The following MYO1D variants were observed in gnomAD, a reference collection of about 807,000 sequenced individuals.
The protein encoded by MYO1D is unconventional myosin-Id.
A neutral mutation model predicts 122.0 loss-of-function variants in MYO1D; 83 were observed. That is an observed-to-expected ratio of 0.68 (90% CI 0.57 to 0.82). The LOEUF (loss-of-function observed/expected upper bound fraction) is 0.82. Ranked by LOEUF, MYO1D falls within the 40% of genes least tolerant of loss-of-function variation. The probability of loss-of-function intolerance (pLI) is 0.00; values close to 1 mark genes in which losing one functional copy is unlikely to be tolerated. For missense variants in MYO1D, 1,157 were observed against 1,269.5 expected (o/e 0.91, Z 1.35); for synonymous variants, 464 against 446.9 (o/e 1.04, Z -0.48).
chr17:32,735,688 A>G (rs929265407), intron 14 of MYO1D, among the ~76,000 whole-genome samples: 6 of 151,198 alleles, frequency 4.0e-5, no homozygotes, highest in African/African-American at 1.5e-4. Flanking sequence ...TTCCTTTAAA[A>G]TTTTTCAGGT....
At chr17:32,512,518 C>T (rs1335688395) in intron 21 of MYO1D, among the ~76,000 whole-genome samples, 1 of 152,106 alleles carries the variant, frequency 6.6e-6, no homozygotes, top group African/African-American at 2.4e-5. Flanking sequence ...CTGCCTGCTC[C>T]CTGCAAGGGT....
intron 21 of MYO1D, among the ~76,000 whole-genome samples, chr17:32,585,888 A>C (rs1399819957): frequency 6.6e-6 from 1 of 152,172 alleles, no homozygotes; most frequent in African/African-American, 2.4e-5. Context: ...TAAAGACCAA[A>C]AATAAAAAAT....
At chr17:32,832,488 C>T (rs776213747) in intron 1 of MYO1D, among the ~76,000 whole-genome samples, 1 of 151,904 alleles carries the variant, frequency 6.6e-6, no homozygotes, top group Non-Finnish European at 1.5e-5. Context: ...TTAGTAGACA[C>T]GGAGTTTCAC....
chr17:32,559,765 T>C (rs2087100918), intron 21 of MYO1D, among the ~76,000 whole-genome samples: 1 of 152,200 alleles, frequency 6.6e-6, no homozygotes, highest in Non-Finnish European at 1.5e-5. Context: ...CCTAATACGT[T>C]TTACTATCTT....
chr17:32,785,431 T>G (rs1373198641), intron 1 of MYO1D, among the ~76,000 whole-genome samples: 3 of 152,232 alleles, frequency 2.0e-5, no homozygotes, highest in South Asian at 2.1e-4. Context: ...TCACACTGAT[T>G]TGGCCTGTCT....
chr17:32,842,274 A>G (rs184170797), intron 1 of MYO1D, among the ~76,000 whole-genome samples: 1 of 152,238 alleles, frequency 6.6e-6, no homozygotes, highest in African/African-American at 2.4e-5. Flanking sequence ...GTATGAGAAC[A>G]ATAAAATAGA....
intron 21 of MYO1D, among the ~76,000 whole-genome samples, chr17:32,545,669 A>G (rs2086959835): frequency 6.6e-6 from 1 of 152,190 alleles, no homozygotes. Flanking sequence ...ATGAAAGGTC[A>G]ATTATTATAC....
At chr17:32,779,673 C>T (rs2090215605) in intron 2 of MYO1D, among the ~76,000 whole-genome samples, 1 of 151,990 alleles carries the variant, frequency 6.6e-6, no homozygotes, top group Non-Finnish European at 1.5e-5. Flanking sequence ...TGTTTTTATT[C>T]TCCCCTTTAA....
At chr17:32,676,352 T>A (rs76792716) in intron 16 of MYO1D, among the ~76,000 whole-genome samples, 2 of 77,384 alleles carry the variant, frequency 2.6e-5, no homozygotes, top group African/African-American at 1.4e-4. Flanking sequence ...TGTTTCTCTA[T>A]TTTTTTTTTT....
intron 16 of MYO1D, among the ~76,000 whole-genome samples, chr17:32,681,519 C>T (rs1479018555): frequency 5.3e-5 from 8 of 149,966 alleles, no homozygotes; most frequent in South Asian, 4.3e-4. Flanking sequence ...ACCCAGTAGT[C>T]ATTCAGGAGC....
At chr17:32,871,494 T>C (rs2091180185) in intron 1 of MYO1D, among the ~76,000 whole-genome samples, 1 of 152,200 alleles carries the variant, frequency 6.6e-6, no homozygotes, top group African/African-American at 2.4e-5. Flanking sequence ...AGATGATTGC[T>C]TTTATGGAAG....
chr17:32,795,483 T>C (rs1221545133), intron 1 of MYO1D, among the ~76,000 whole-genome samples: 1 of 152,042 alleles, frequency 6.6e-6, no homozygotes, highest in Non-Finnish European at 1.5e-5. Context: ...CCTGGTATAA[T>C]AGAAACAAAC....
intron 16 of MYO1D, among the ~76,000 whole-genome samples, chr17:32,703,804 A>C (rs569030472): frequency 6.6e-6 from 1 of 152,272 alleles, no homozygotes; most frequent in African/African-American, 2.4e-5. Flanking sequence ...CTAATTGTTA[A>C]TTATTAGTTA....
At chr17:32,666,196 T>C (rs1224250647) in intron 16 of MYO1D, among the ~76,000 whole-genome samples, 1 of 152,160 alleles carries the variant, frequency 6.6e-6, no homozygotes, top group Non-Finnish European at 1.5e-5. Context: ...CCACCCCTCA[T>C]CCCTACCTAC....
intron 16 of MYO1D, among the ~76,000 whole-genome samples, chr17:32,662,985 T>G (rs1177812852): frequency 4.0e-5 from 6 of 151,762 alleles, no homozygotes; most frequent in African/African-American, 1.5e-4. Flanking sequence ...TGGCGTGATC[T>G]TGGCTCACTG....
chr17:32,760,135 G>A, intron 10 of MYO1D, 155 bp downstream of exon 10: 1 of 783,570 alleles, frequency 1.3e-6, no homozygotes, highest in South Asian at 1.4e-5. Flanking sequence ...ACCTAAAAAT[G>A]ATGAAATTAA....
intron 19 of MYO1D, among the ~76,000 whole-genome samples, chr17:32,645,690 C>T (rs1481019604): frequency 4.6e-5 from 7 of 152,068 alleles, no homozygotes; most frequent in Non-Finnish European, 8.8e-5. Flanking sequence ...TCCAGTTGAT[C>T]GAATCAGTTA....
At chr17:32,723,028 G>T (rs542322179) in intron 14 of MYO1D, among the ~76,000 whole-genome samples, 85 of 152,228 alleles carry the variant, frequency 5.6e-4, no homozygotes, top group African/African-American at 2.0e-3. Flanking sequence ...GTGATGAAAC[G>T]CTGATAAAAC....
chr17:32,697,544 C>T (rs976353833), intron 16 of MYO1D, among the ~76,000 whole-genome samples: 4 of 152,032 alleles, frequency 2.6e-5, no homozygotes, highest in Non-Finnish European at 2.9e-5. Context: ...CTTTCTTGGT[C>T]GCTTTGTAAA....
Sources: allele counts gnomAD v4.1 joint callset (sites outside exome capture counted in the v4.1 genomes callset), GRCh38; gene constraint gnomAD v4.1.1; transcripts MANE v1.5; gene names NCBI Gene and HGNC (gene_info 2026-07-23, HGNC 2026-07-21).